ZDHHC14: variants seen among roughly 807,000 people sequenced by gnomAD.
ZDHHC14 encodes palmitoyltransferase ZDHHC14.
Under a neutral mutation model 47.7 loss-of-function variants are expected in ZDHHC14, and 16 were observed. That is an observed-to-expected ratio of 0.34 (90% CI 0.23 to 0.51). The LOEUF is 0.51. Ranked by LOEUF, ZDHHC14 falls within the 20% of genes least tolerant of loss-of-function variation. ZDHHC14 has a pLI of 0.97. For missense variants in ZDHHC14, 515 were observed against 662.5 expected (o/e 0.78, Z 2.44); for synonymous variants, 293 against 278.9 (o/e 1.05, Z -0.50).
chr6:157,417,898 G>GAA, intron 1 of ZDHHC14, among the ~76,000 whole-genome samples: 1 of 150,574 alleles, frequency 6.6e-6, no homozygotes, highest in Non-Finnish European at 1.5e-5. Flanking sequence ...AGCTTGCAGT[G>GAA]ACCTGTGATT....
At chr6:157,672,622 G>GCAGCC in intron 8 of ZDHHC14, 102 bp from the exon 9 acceptor site, 1 of 436,552 alleles carries the variant, frequency 2.3e-6, no homozygotes, top group Non-Finnish European at 4.2e-6. Flanking sequence ...CTCTCTTCTC[G>GCAGCC]CACCCCACCC....
Position 157,382,237 on chromosome 6 carries a change from G to A in ZDHHC14, c.216G>A (p.Leu72=). 6.2e-7 allele frequency: 1 copy of A among 1,611,512 alleles called. No individual in the cohort carries two copies. ...GVFYLTLVLI[L]VTSGLFFAFD... is the part of the protein sequence containing the mutation. ...TCTACCTGACGCTCGTCCTCATCCT[G>A]GTCACTAGCGGACTCTTCTTCGCCT... is the stretch of plus-strand genomic sequence containing the variant. The change falls in exon 1 of 9, where the codon CTG becomes CTA. Residue 72 remains leucine, a synonymous_variant. Transcript: ENST00000359775.
chr6:157,551,138 C>T (rs934143572), intron 2 of ZDHHC14, among the ~76,000 whole-genome samples: 2 of 152,184 alleles, frequency 1.3e-5, no homozygotes, highest in African/African-American at 2.4e-5. Context: ...TCCAGGCCCA[C>T]CCCTACCCAG....
At chr6:157,485,466 A>C (rs1779755481) in intron 1 of ZDHHC14, among the ~76,000 whole-genome samples, 1 of 151,890 alleles carries the variant, frequency 6.6e-6, no homozygotes, top group Non-Finnish European at 1.5e-5. Flanking sequence ...CCCAAACGTG[A>C]TTTCTTTAGA....
intron 3 of ZDHHC14, among the ~76,000 whole-genome samples, chr6:157,613,358 T>C (rs956848357): frequency 2.6e-5 from 4 of 152,254 alleles, no homozygotes; most frequent in African/African-American, 9.6e-5. Flanking sequence ...TTTTATTGTT[T>C]GTTTTTAGTG....
intron 2 of ZDHHC14, among the ~76,000 whole-genome samples, chr6:157,555,015 A>G (rs1782400219): frequency 6.6e-6 from 1 of 152,144 alleles, no homozygotes; most frequent in Non-Finnish European, 1.5e-5. Context: ...TCCTCTATAC[A>G]GTTCTCATGT....
At chr6:157,607,830 C>T (rs1014928008) in intron 3 of ZDHHC14, among the ~76,000 whole-genome samples, 4 of 152,112 alleles carry the variant, frequency 2.6e-5, no homozygotes, top group African/African-American at 9.7e-5. Context: ...ATTGACAGTG[C>T]CGTCTTAAAT....
At chr6:157,588,028 G>T (rs543981007) in intron 2 of ZDHHC14, among the ~76,000 whole-genome samples, 6 of 152,272 alleles carry the variant, frequency 3.9e-5, no homozygotes, top group African/African-American at 1.4e-4. Context: ...GCCAAGGCAG[G>T]CGGGCCACCT....
chr6:157,387,864 C>A (rs1166912945), intron 1 of ZDHHC14, among the ~76,000 whole-genome samples: 7 of 152,234 alleles, frequency 4.6e-5, no homozygotes, highest in African/African-American at 1.7e-4. Flanking sequence ...TGGAAAATAC[C>A]TTTCTTGTGC....
chr6:157,409,071 G>T (rs1161309270), intron 1 of ZDHHC14, among the ~76,000 whole-genome samples: 3 of 152,236 alleles, frequency 2.0e-5, no homozygotes, highest in Non-Finnish European at 4.4e-5. Context: ...ATTCCCACTT[G>T]CATCTCATTT....
intron 2 of ZDHHC14, among the ~76,000 whole-genome samples, chr6:157,547,875 G>A (rs1041739419): frequency 1.4e-4 from 21 of 150,268 alleles, no homozygotes; most frequent in African/African-American, 5.2e-4. Context: ...AATTTTGGGG[G>A]TCTTTTTGTT....
chr6:157,502,669 T>G lies in ZDHHC14; in HGVS notation c.246-39916T>G, dbSNP rs1780217153. ...TACTCATGGCTCATAGTTTTTGTTG[T>G]GTTTGTTTTTGTTTTGTTTTGTTTT... On this transcript the variant is annotated intron_variant, in intron 1 of 8. Transcript: ENST00000359775. The surrounding 1 kb of genome is among the most constrained non-coding windows in gnomAD (Gnocchi z 4.0). 6.6e-6 allele frequency among the ~76,000 whole-genome samples: 1 copy of G among 152,056 alleles called. No individual in the cohort carries two copies. The highest frequency in any genetic ancestry group is 1.5e-5 in the Non-Finnish European group (1 of 68,002).
intron 1 of ZDHHC14, among the ~76,000 whole-genome samples, chr6:157,383,435 G>A (rs1421750139): frequency 6.6e-6 from 1 of 152,106 alleles, no homozygotes; most frequent in Non-Finnish European, 1.5e-5. Flanking sequence ...ATTTACTTTT[G>A]TTTCTGATTA....
At chr6:157,419,248 T>A (rs1235176715) in intron 1 of ZDHHC14, among the ~76,000 whole-genome samples, 1 of 152,258 alleles carries the variant, frequency 6.6e-6, no homozygotes, top group Non-Finnish European at 1.5e-5. Context: ...GATTATTAAC[T>A]AAAGTCTACA....
chr6:157,501,850 T>G (rs1780199695), intron 1 of ZDHHC14, among the ~76,000 whole-genome samples: 1 of 152,204 alleles, frequency 6.6e-6, no homozygotes, highest in East Asian at 1.9e-4. Context: ...GAATATAATT[T>G]AATTGAATGA....
chr6:157,577,377 C>A (rs1783347578), intron 2 of ZDHHC14, among the ~76,000 whole-genome samples: 1 of 152,068 alleles, frequency 6.6e-6, no homozygotes, highest in African/African-American at 2.4e-5. Flanking sequence ...TGGGTATATA[C>A]CCAAAAATGG....
intron 1 of ZDHHC14, among the ~76,000 whole-genome samples, chr6:157,471,381 G>A (rs778477517): frequency 5.3e-5 from 8 of 152,204 alleles, no homozygotes; most frequent in Non-Finnish European, 1.2e-4. Flanking sequence ...GATGATTTCT[G>A]TGTGGGCTGG....
chr6:157,655,176 A>G (rs1778028740), intron 8 of ZDHHC14, among the ~76,000 whole-genome samples: 2 of 152,164 alleles, frequency 1.3e-5, no homozygotes, highest in South Asian at 4.2e-4. Flanking sequence ...TTTTCAGAAA[A>G]GGAAACTGAG....
chr6:157,640,980 G>A (rs9346836), intron 5 of ZDHHC14, among the ~76,000 whole-genome samples: 28,634 of 152,052 alleles, frequency 0.19, 3,274 homozygotes, highest in East Asian at 0.55. Context: ...TGCTGATACG[G>A]GGGTGGGAGG....
Sources: allele counts gnomAD v4.1 joint callset (sites outside exome capture counted in the v4.1 genomes callset), GRCh38; gene constraint gnomAD v4.1.1; non-coding constraint Gnocchi (gnomAD v3.1); transcripts MANE v1.5; gene names NCBI Gene and HGNC (gene_info 2026-07-23, HGNC 2026-07-21).